Variants in ZNHIT6 observed in about 807,000 individuals in gnomAD.
ZNHIT6 encodes the protein zinc finger HIT-type containing 6, also known as box C/D snoRNA protein 1.
ZNHIT6 carries 45 observed loss-of-function variants against 57.2 expected under a neutral mutation model. The observed-to-expected ratio is 0.79, with a 90% CI of 0.62 to 1.01. The LOEUF (loss-of-function observed/expected upper bound fraction) is 1.01. ZNHIT6 is among the 50% of genes least tolerant of loss of function. ZNHIT6 has a pLI of 0.00. For missense variants in ZNHIT6, 528 were observed against 567.3 expected, an observed-to-expected ratio of 0.93 and a Z score of 0.70; for synonymous variants, 188 against 190.0, an observed-to-expected ratio of 0.99 and a Z score of 0.09.
intron 4 of ZNHIT6, among the ~76,000 whole-genome samples, chr1:85,702,514 TG>T (rs1234301434): frequency 1.3e-5 from 2 of 152,188 alleles, no homozygotes; most frequent in Non-Finnish European, 2.9e-5. Context: ...ATTCAAACCC[TG>T]GTCTGTCTAA....
chr1:85,658,684 C>T (rs1661135483), intron 8 of ZNHIT6, among the ~76,000 whole-genome samples: 1 of 151,818 alleles, frequency 6.6e-6, no homozygotes, highest in East Asian at 1.9e-4. Flanking sequence ...CCAGCGTGAC[C>T]AACATGGAGA....
At chr1:85,670,114 CATG>C (rs1661514968) in intron 8 of ZNHIT6, among the ~76,000 whole-genome samples, 1 of 151,008 alleles carries the variant, frequency 6.6e-6, no homozygotes, top group African/African-American at 2.4e-5. Context: ...CAACTGTTTA[CATG>C]ATATACAGAT....
intron 5 of ZNHIT6, among the ~76,000 whole-genome samples, chr1:85,693,893 A>G (rs1408882369): frequency 6.6e-6 from 1 of 152,174 alleles, no homozygotes; most frequent in African/African-American, 2.4e-5. Context: ...CCGAGGTGGG[A>G]GGACTGCTTG....
intron 5 of ZNHIT6, among the ~76,000 whole-genome samples, chr1:85,697,932 A>C (rs1662422122): frequency 6.6e-6 from 1 of 152,204 alleles, no homozygotes; most frequent in Non-Finnish European, 1.5e-5. Flanking sequence ...ACTGGGTGAA[A>C]GTGAACATAA....
chr1:85,684,011 C>T (rs1298544987), intron 5 of ZNHIT6, among the ~76,000 whole-genome samples: 1 of 152,128 alleles, frequency 6.6e-6, no homozygotes, highest in Admixed American at 6.5e-5. Context: ...TTGAGAACCA[C>T]AAGGATAAAG....
At chr1:85,697,650 T>G (rs115215675) in intron 5 of ZNHIT6, among the ~76,000 whole-genome samples, 5,393 of 152,316 alleles carry the variant, frequency 0.035, 110 homozygotes, top group Middle Eastern at 0.082. Context: ...TCATTCTTTT[T>G]TCAGATTTTT....
At chr1:85,696,356 C>T (rs1161221318) in intron 5 of ZNHIT6, among the ~76,000 whole-genome samples, 4 of 152,142 alleles carry the variant, frequency 2.6e-5, no homozygotes, top group South Asian at 2.1e-4. Flanking sequence ...TTGTTTTAAA[C>T]TCCAATTCTT....
At chr1:85,677,195 C>G in intron 8 of ZNHIT6, 41 bp downstream of exon 8, 1 of 1,484,356 alleles carries the variant, frequency 6.7e-7, no homozygotes, top group Non-Finnish European at 9.1e-7. Context: ...TATTACAGAA[C>G]TAAAAAATAT....
intron 8 of ZNHIT6, among the ~76,000 whole-genome samples, chr1:85,675,437 T>A (rs1463888114): frequency 2.0e-5 from 3 of 152,172 alleles, no homozygotes; most frequent in African/African-American, 4.8e-5. Context: ...AGCAGTAGAC[T>A]TAAAATATTC....
At chr1:85,659,322 C>T (rs1469924845) in intron 8 of ZNHIT6, among the ~76,000 whole-genome samples, 2 of 152,098 alleles carry the variant, frequency 1.3e-5, no homozygotes, top group South Asian at 4.1e-4. Context: ...AGCTCACTAG[C>T]GGGTACATAT....
chr1:85,703,167 T>A (rs1662583995), intron 4 of ZNHIT6, among the ~76,000 whole-genome samples: 1 of 152,080 alleles, frequency 6.6e-6, no homozygotes, highest in Admixed American at 6.6e-5. Flanking sequence ...CCTCCTAATA[T>A]ACCTTCAGGA....
chr1:85,707,872 T>G lies in ZNHIT6; in HGVS notation c.413A>C (p.Lys138Thr), dbSNP rs1241951908. 3 of 1,614,092 alleles carry G rather than the reference T, an allele frequency of 1.9e-6. No homozygotes were observed. Among genetic ancestry groups the G allele is most frequent in the Non-Finnish European group, 2.5e-6 (3 of 1,180,004 alleles). The part of the protein sequence containing the change: ...KEAKVGEPEV[K>T]EEKVKEEVMD... ...TACCTCTTCCTTTACCTTCTCTTCC[T>G]TTACCTCTGGTTCACCCACCTTCGC... The change falls in exon 1 of 10, where the codon AAG becomes ACG. Residue 138 changes from lysine to threonine, a missense_variant. Transcript: ENST00000370574.
intron 5 of ZNHIT6, among the ~76,000 whole-genome samples, chr1:85,682,724 T>C (rs1661913610): frequency 1.3e-5 from 2 of 152,168 alleles, no homozygotes; most frequent in African/African-American, 4.8e-5. Flanking sequence ...TTCCAATATT[T>C]CAAAAACAAA....
In ZNHIT6 at chr1:85,677,281, AC is replaced by A; in HGVS notation, c.1201del (p.Val401PhefsTer4). 6.2e-7 allele frequency: 1 copy of A among 1,609,190 alleles called. No individual in the cohort carries two copies. Among genetic ancestry groups the A allele is most frequent in the Non-Finnish European group, 8.5e-7 (1 of 1,178,606 alleles). ...LKAYIRSQTG[V>X]QILMKIEYMQ... ...ATATTCAATCTTCATTAAAATCTGAACCCCAGTCTGAGAGCGAATGTAGGCT... is the reference window on the plus strand; with the variant it reads ...ATATTCAATCTTCATTAAAATCTGAACCCAGTCTGAGAGCGAATGTAGGCT... On this transcript the variant is annotated frameshift_variant, in exon 8 of 10. Coordinates refer to ENST00000370574, the MANE Select transcript of ZNHIT6 (RefSeq NM_017953.4). LOFTEE classifies it high-confidence loss of function.
At chr1:85,693,128 T>C (rs1185469555) in intron 5 of ZNHIT6, among the ~76,000 whole-genome samples, 2 of 152,192 alleles carry the variant, frequency 1.3e-5, no homozygotes, top group African/African-American at 2.4e-5. Flanking sequence ...AGAACTGGAT[T>C]GTTAAGAACT....
At chr1:85,657,763 C>A (rs1661101070) in intron 9 of ZNHIT6, 84 bp downstream of exon 9, 1 of 1,328,846 alleles carries the variant, frequency 7.5e-7, no homozygotes, top group Non-Finnish European at 1.0e-6. Context: ...TGGGAAAACA[C>A]ATATAAAGAA....
chr1:85,675,626 C>T (rs1000568629), intron 8 of ZNHIT6, among the ~76,000 whole-genome samples: 2 of 152,164 alleles, frequency 1.3e-5, no homozygotes, highest in Admixed American at 6.5e-5. Flanking sequence ...GAGGGTCAGT[C>T]CATCCCTTGA....
intron 6 of ZNHIT6, among the ~76,000 whole-genome samples, chr1:85,680,066 C>T (rs1396334062): frequency 2.6e-5 from 4 of 152,004 alleles, no homozygotes; most frequent in African/African-American, 4.8e-5. Flanking sequence ...ATTAGCTGGG[C>T]GTGATGGCCT....
Position 85,700,552 on chromosome 1 carries a change from A to T in ZNHIT6, c.1019+1605T>A, listed in dbSNP as rs151259104. 1.1e-3 allele frequency among the ~76,000 whole-genome samples: 160 copies of T among 152,310 alleles called. 1 individual carries two copies. Among genetic ancestry groups the T allele is most frequent in the African/African-American group, 3.6e-3 (151 of 41,578 alleles). On this transcript the variant is annotated intron_variant, in intron 5 of 9. Transcript: ENST00000370574. ...TTCTCGGTAAAAACTTCCCGCATAC[A>T]TTCATGTACCTACAGACACAAAAAT...
Sources: allele counts gnomAD v4.1 joint callset (sites outside exome capture counted in the v4.1 genomes callset), GRCh38; gene constraint gnomAD v4.1.1; transcripts MANE v1.5; gene names NCBI Gene and HGNC (gene_info 2026-07-23, HGNC 2026-07-21).